Variants in TG observed in about 807,000 individuals in gnomAD.
The protein encoded by TG is thyroglobulin, also known as thyroid hormones.
A neutral mutation model predicts 324.7 loss-of-function variants in TG; 270 were observed. The ratio of observed to expected loss-of-function variants is 0.83; its 90% CI spans 0.75 to 0.92. TG has a LOEUF of 0.92. Among genes scored for constraint, TG ranks in the 40% least tolerant of loss-of-function variants. TG has a pLI of 0.00. For synonymous variants in TG, 1,401 were observed against 1,327.0 expected, an observed-to-expected ratio of 1.06 and a Z score of -1.21; for missense variants, 3,591 against 3,456.4, an observed-to-expected ratio of 1.04 and a Z score of -0.98.
intron 20 of TG, among the ~76,000 whole-genome samples, chr8:132,918,193 C>G (rs531663576): frequency 6.6e-6 from 1 of 152,136 alleles, no homozygotes; most frequent in Admixed American, 6.5e-5. Context: ...TGAGCACAGA[C>G]AAGAGTCTGG....
intron 26 of TG, among the ~76,000 whole-genome samples, chr8:132,945,212 C>T (rs1260929611): frequency 6.6e-6 from 1 of 152,074 alleles, no homozygotes; most frequent in African/African-American, 2.4e-5. Context: ...TAGAAACTGT[C>T]GCAGTAGTCC....
At chr8:132,978,050 G>C (rs1830391268) in intron 34 of TG, among the ~76,000 whole-genome samples, 1 of 152,212 alleles carries the variant, frequency 6.6e-6, no homozygotes, top group Non-Finnish European at 1.5e-5. Context: ...TTGCTATAAA[G>C]GAGTATCCAA....
chr8:133,081,371 G>A (rs185753667), intron 41 of TG, among the ~76,000 whole-genome samples: 7 of 152,338 alleles, frequency 4.6e-5, no homozygotes, highest in Admixed American at 2.0e-4. Flanking sequence ...TCACCTCTGG[G>A]GAAGACAATA....
At chr8:133,013,849 A>T in intron 37 of TG, 85 bp downstream of exon 37, 8 of 1,528,968 alleles carry the variant, frequency 5.2e-6, no homozygotes, top group Non-Finnish European at 7.0e-6. Context: ...GAGTTGGAGG[A>T]CAGTGGCTTT....
chr8:132,956,363 C>G (rs1234871074), intron 27 of TG, among the ~76,000 whole-genome samples: 3 of 152,164 alleles, frequency 2.0e-5, no homozygotes, highest in African/African-American at 7.2e-5. Context: ...AGGGGACTTA[C>G]AGTGTATCCA....
intron 45 of TG, among the ~76,000 whole-genome samples, chr8:133,119,453 G>C (rs1050973187): frequency 6.6e-6 from 1 of 152,186 alleles, no homozygotes; most frequent in Admixed American, 6.5e-5. Flanking sequence ...CTGGAGGCTG[G>C]AAGTCCAAGA....
At chr8:132,929,778 A>G (rs967597514) in intron 23 of TG, among the ~76,000 whole-genome samples, 2 of 152,220 alleles carry the variant, frequency 1.3e-5, no homozygotes, top group African/African-American at 2.4e-5. Flanking sequence ...CTTTACCACT[A>G]TACAATTCAT....
chr8:132,877,889 T>A (rs1486684718), intron 5 of TG, among the ~76,000 whole-genome samples: 1 of 152,210 alleles, frequency 6.6e-6, no homozygotes, highest in Admixed American at 6.5e-5. Context: ...AAATATGGTA[T>A]TTTTCAATTT....
intron 41 of TG, chr8:133,064,248 CA>C (rs1472890012): frequency 6.6e-6 from 1 of 152,146 alleles, no homozygotes; most frequent in Non-Finnish European, 1.5e-5. Flanking sequence ...TTAATTTTAG[CA>C]ATCAAGACTC....
At chr8:132,994,753 G>A (rs1313195548) in intron 35 of TG, 7 of 1,288,610 alleles carry the variant, frequency 5.4e-6, no homozygotes, top group Non-Finnish European at 7.1e-6. Flanking sequence ...CCCAGCTGAA[G>A]AGGATGGAGT....
At chr8:132,886,384 G>A (rs1292021934) in intron 8 of TG, 64 bp from the exon 9 acceptor site, 1 of 1,604,180 alleles carries the variant, frequency 6.2e-7, no homozygotes, top group Non-Finnish European at 8.5e-7. Flanking sequence ...AGGATCTGAG[G>A]AGCTGTCTCA....
At chr8:133,094,069 G>A (rs886655107) in intron 41 of TG, among the ~76,000 whole-genome samples, 1 of 151,992 alleles carries the variant, frequency 6.6e-6, no homozygotes, top group Non-Finnish European at 1.5e-5. Flanking sequence ...CTGAGCTACG[G>A]GGAGCCCCAT....
intron 34 of TG, among the ~76,000 whole-genome samples, chr8:132,978,256 G>A (rs570995326): frequency 6.6e-6 from 1 of 152,270 alleles, no homozygotes; most frequent in East Asian, 1.9e-4. Context: ...GGAGGTGCCA[G>A]TCTCTTTTAA....
chr8:132,923,553 G>A (rs199929480), intron 22 of TG, 45 bp downstream of exon 22: 2 of 1,594,776 alleles, frequency 1.3e-6, no homozygotes, highest in Non-Finnish European at 1.7e-6. Flanking sequence ...GGGGACTGGG[G>A]AGTAGTCTCA....
In TG at chr8:132,887,592, C is replaced by T. The variant is rs56981130; in HGVS notation, c.2176+44C>T. ...CAATCTGTAGGTTCCCTGAGTCTCT[C>T]TTTAGGCCCTGACCCAATGCAGTAC... On this transcript the variant is annotated intron_variant, in intron 9 of 47. Transcript: ENST00000220616. 4,766 of 1,613,600 alleles carry T rather than the reference C, an allele frequency of 3.0e-3. 125 individuals carry two copies. In the African/African-American group the frequency reaches 0.057, roughly 19 times the overall value.
At chr8:133,054,094 G>A (rs139642798) in intron 41 of TG, among the ~76,000 whole-genome samples, 14 of 152,250 alleles carry the variant, frequency 9.2e-5, no homozygotes, top group East Asian at 7.7e-4. Flanking sequence ...AGCTTTGGTT[G>A]CTACAGAAAA....
chr8:133,128,922 T>A (rs964317912), intron 45 of TG, among the ~76,000 whole-genome samples: 2 of 152,132 alleles, frequency 1.3e-5, no homozygotes, highest in African/African-American at 4.8e-5. Context: ...CTACCCCAAG[T>A]CTGCGAGCAC....
At chr8:132,955,032 C>A (rs1826640279) in intron 27 of TG, among the ~76,000 whole-genome samples, 2 of 152,162 alleles carry the variant, frequency 1.3e-5, no homozygotes, top group Admixed American at 1.3e-4. Flanking sequence ...TCCCCTGAGG[C>A]TAGGCACCAT....
intron 43 of TG, among the ~76,000 whole-genome samples, chr8:133,109,715 A>G (rs894464913): frequency 2.0e-5 from 3 of 152,196 alleles, no homozygotes; most frequent in East Asian, 1.9e-4. Flanking sequence ...CCAGGGACCC[A>G]GCACAGCATC....
Sources: gnomAD v4.1 joint callset for allele counts (sites outside exome capture counted in the v4.1 genomes callset) on GRCh38, gnomAD v4.1.1 for gene constraint, MANE v1.5 for transcripts, NCBI Gene and HGNC (gene_info 2026-07-23, HGNC 2026-07-21) for gene names.